ZFHX3: variants seen among roughly 807,000 people sequenced by gnomAD.
ZFHX3 encodes zinc finger homeobox protein 3.
ZFHX3 carries 42 observed loss-of-function variants against 279.1 expected under a neutral mutation model. The observed-to-expected ratio is 0.15, with a 90% CI of 0.12 to 0.19. The LOEUF (loss-of-function observed/expected upper bound fraction) is 0.19, where lower values mean the gene tolerates loss of function less well. Ranked by LOEUF, ZFHX3 falls within the 10% of genes least tolerant of loss-of-function variation. The pLI, the probability that ZFHX3 is intolerant of heterozygous loss-of-function variation, is 1.00. For synonymous variants in ZFHX3, 2,293 were observed against 1,957.8 expected (o/e 1.17, Z -4.52); for missense variants, 4,981 against 4,754.0 (o/e 1.05, Z -1.40).
chr16:72,797,956 C>A lies in ZFHX3; in HGVS notation c.4726G>T (p.Ala1576Ser). The A allele has an allele frequency of 6.2e-7, 1 of 1,614,180 alleles. No individual in the cohort carries two copies. Among genetic ancestry groups the A allele is most frequent in the Non-Finnish European group, 8.5e-7 (1 of 1,180,022 alleles). The part of the protein sequence containing the change: ...SVSHLHKLKR[A>S]LQESATGQPE... ...TGACCGGTTGCTGATTCTTGAAGGGCTCTCTTTAACTTATGCAGGTGGGAG... is the reference window on the plus strand; with the variant it reads ...TGACCGGTTGCTGATTCTTGAAGGGATCTCTTTAACTTATGCAGGTGGGAG... The change falls in exon 9 of 10, where the codon GCC (alanine) becomes TCC (serine). Residue 1576 changes from alanine to serine, a missense_variant. By Grantham distance (99) the Ala-to-Ser change is moderately conservative. Around this residue, in one of 7 missense-constraint regions of ZFHX3, gnomAD observed 1,751 missense variants for 1,770.0 expected, o/e 0.99. Coordinates refer to ENST00000268489, the MANE Select transcript of ZFHX3 (RefSeq NM_006885.4).
rs940733606 is a variant in ZFHX3 at position 73,303,113 on chromosome 16, T to G, written c.-1194+15127A>C. On this transcript the variant is annotated intron_variant, in intron 4 of 17. Coordinates refer to the ZFHX3 transcript ENST00000641206. Reference sequence around the variant, plus strand: ...ATGTGATCATAGTGCACTGTCGCCTTAAACTCCTGGGCTCAAGTGATCCTC... The same window carrying G: ...ATGTGATCATAGTGCACTGTCGCCTGAAACTCCTGGGCTCAAGTGATCCTC... Among the ~76,000 whole-genome samples, 17 of 152,108 alleles carry G rather than the reference T, an allele frequency of 1.1e-4. 1 individual carries two copies. The highest frequency in any genetic ancestry group is 4.2e-4 in the South Asian group (2 of 4,808).
At chr16:73,424,736 A>T (rs983722648) in intron 3 of ZFHX3, among the ~76,000 whole-genome samples, 2 of 130,084 alleles carry the variant, frequency 1.5e-5, no homozygotes, top group African/African-American at 5.7e-5. Flanking sequence ...TCTGGGAGAC[A>T]GAGTGATACC....
chr16:73,548,177 G>T (rs1292697933), intron 2 of ZFHX3, among the ~76,000 whole-genome samples: 1 of 152,206 alleles, frequency 6.6e-6, no homozygotes, highest in Non-Finnish European at 1.5e-5. Context: ...CAGAGGAAAA[G>T]ATCCTAAATC....
chr16:73,513,510 T>C (rs550425027), intron 2 of ZFHX3, among the ~76,000 whole-genome samples: 1 of 152,234 alleles, frequency 6.6e-6, no homozygotes, highest in East Asian at 1.9e-4. Context: ...TACAGATAGT[T>C]TGGCAATATG....
intron 1 of ZFHX3, among the ~76,000 whole-genome samples, chr16:73,010,474 G>A (rs189666974): frequency 3.9e-5 from 6 of 152,380 alleles, no homozygotes; most frequent in Admixed American, 3.9e-4. Context: ...TTGTCCAGCA[G>A]TAATTAATAG....
chr16:72,791,647 T>C (rs551776650), intron 9 of ZFHX3: 1 of 152,342 alleles, frequency 6.6e-6, no homozygotes, highest in Admixed American at 6.5e-5. Flanking sequence ...ATTACTATGA[T>C]GTGTTAAGCC....
At chr16:72,916,462 T>C (rs1315244015) in intron 3 of ZFHX3, among the ~76,000 whole-genome samples, 1 of 152,206 alleles carries the variant, frequency 6.6e-6, no homozygotes, top group Non-Finnish European at 1.5e-5. Context: ...TGTCCAGCGT[T>C]TCTAATAAGA....
intron 4 of ZFHX3, among the ~76,000 whole-genome samples, chr16:73,276,522 G>GGT: frequency 6.6e-6 from 1 of 152,004 alleles, no homozygotes; most frequent in South Asian, 2.1e-4. Flanking sequence ...TTACTTACAT[G>GGT]GTACAGGTTT....
intron 1 of ZFHX3, among the ~76,000 whole-genome samples, chr16:73,019,691 T>C (rs1181757950): frequency 6.6e-6 from 1 of 152,110 alleles, no homozygotes; most frequent in Non-Finnish European, 1.5e-5. Flanking sequence ...GGAAGCAACG[T>C]CTCAGTCCAA....
chr16:73,343,467 G>A lies in ZFHX3; in HGVS notation c.-1290-25131C>T, dbSNP rs138256078. ...AGGCCACATGCGGTGGCTCACACCTGTAATCTCAGCTCTTTGGGAGGCCGA... is the reference window on the plus strand; with the variant it reads ...AGGCCACATGCGGTGGCTCACACCTATAATCTCAGCTCTTTGGGAGGCCGA... On this transcript the variant is annotated intron_variant, in intron 3 of 17. Coordinates refer to the ZFHX3 transcript ENST00000641206. 2.5e-4 allele frequency among the ~76,000 whole-genome samples: 38 copies of A among 152,304 alleles called. No homozygotes were observed. In the East Asian group the frequency reaches 7.1e-3, roughly 29 times the overall value.
At chr16:73,739,771 G>C (rs2053638801) in intron 1 of ZFHX3, among the ~76,000 whole-genome samples, 2 of 152,144 alleles carry the variant, frequency 1.3e-5, no homozygotes, top group South Asian at 4.1e-4. Context: ...GTCTAGGCTG[G>C]TCCAGGCCGT....
chr16:73,383,434 GTAAAA>G (rs1344879428), intron 3 of ZFHX3, among the ~76,000 whole-genome samples: 1 of 152,128 alleles, frequency 6.6e-6, no homozygotes, highest in Non-Finnish European at 1.5e-5. Context: ...TTTTTCAAAT[GTAAAA>G]TAAAAAACAT....
intron 2 of ZFHX3, among the ~76,000 whole-genome samples, chr16:73,583,082 C>T (rs532163163): frequency 2.0e-4 from 30 of 152,156 alleles, no homozygotes; most frequent in Admixed American, 2.0e-3. Flanking sequence ...CAAACCACAG[C>T]TTTCCCAGCT....
At chr16:73,523,895 G>A (rs567039916) in intron 2 of ZFHX3, among the ~76,000 whole-genome samples, 1 of 152,234 alleles carries the variant, frequency 6.6e-6, no homozygotes, top group Admixed American at 6.5e-5. Flanking sequence ...TGTGCAAAAG[G>A]GGATGGTCAA....
At chr16:73,448,388 G>A (rs889621247) in intron 3 of ZFHX3, among the ~76,000 whole-genome samples, 1 of 152,020 alleles carries the variant, frequency 6.6e-6, no homozygotes, top group Non-Finnish European at 1.5e-5. Flanking sequence ...GTAACATAAT[G>A]ATTTTTAAAA....
chr16:73,360,862 C>A (rs1260123244), intron 3 of ZFHX3, among the ~76,000 whole-genome samples: 1 of 152,040 alleles, frequency 6.6e-6, no homozygotes, highest in African/African-American at 2.4e-5. Flanking sequence ...TCTGGAGGGC[C>A]TCACTGTTTT....
At chr16:73,044,883 A>C (rs1308251217) in intron 1 of ZFHX3, among the ~76,000 whole-genome samples, 1 of 152,140 alleles carries the variant, frequency 6.6e-6, no homozygotes, top group Non-Finnish European at 1.5e-5. Flanking sequence ...AGCCTCCCAA[A>C]GTGCTGGGAT....
At chr16:73,390,202 C>T (rs1480325783) in intron 3 of ZFHX3, among the ~76,000 whole-genome samples, 2 of 152,078 alleles carry the variant, frequency 1.3e-5, no homozygotes, top group Admixed American at 6.6e-5. Context: ...CTCAAGGCCC[C>T]ACCACCTCTG....
intron 1 of ZFHX3, among the ~76,000 whole-genome samples, chr16:73,769,465 C>T (rs1037517831): frequency 4.6e-5 from 7 of 152,094 alleles, no homozygotes; most frequent in Non-Finnish European, 8.8e-5. Context: ...TCATCAAATG[C>T]TTGCAGAATT....
Sources: allele counts gnomAD v4.1 joint callset (sites outside exome capture counted in the v4.1 genomes callset), GRCh38; gene constraint gnomAD v4.1.1; regional missense constraint gnomAD v4.1.1; transcripts MANE v1.5; gene names NCBI Gene and HGNC (gene_info 2026-07-23, HGNC 2026-07-21).